Variants in PYGB observed in about 807,000 individuals in gnomAD.
The protein encoded by PYGB is glycogen phosphorylase B.
PYGB carries 82 observed loss-of-function variants against 94.3 expected under a neutral mutation model. The ratio of observed to expected loss-of-function variants is 0.87; its 90% CI spans 0.73 to 1.04. The LOEUF is 1.04. Ranked by LOEUF, PYGB falls within the 50% of genes least tolerant of loss-of-function variation. PYGB has a pLI of 0.00. For synonymous variants in PYGB, 488 were observed against 479.1 expected (o/e 1.02, Z -0.24); for missense variants, 1,132 against 1,158.2 (o/e 0.98, Z 0.33).
At chr20:25,294,025 C>T in intron 17 of PYGB, 133 bp from the exon 18 acceptor site, 1 of 1,260,786 alleles carries the variant, frequency 7.9e-7, no homozygotes, top group Middle Eastern at 2.6e-4. Flanking sequence ...CTGGCTGCTG[C>T]CCTGGACCGT....
intron 2 of PYGB, among the ~76,000 whole-genome samples, chr20:25,268,221 A>G (rs1246774037): frequency 1.6e-5 from 2 of 124,378 alleles, no homozygotes; most frequent in Non-Finnish European, 3.1e-5. Context: ...TGCTTTACGA[A>G]TTAAGTTCAA....
intron 14 of PYGB, 66 bp downstream of exon 14, chr20:25,284,317 G>A: frequency 1.3e-6 from 2 of 1,570,114 alleles, no homozygotes; most frequent in South Asian, 1.2e-5. Flanking sequence ...CCCGCCAGCT[G>A]TGCACAGACC....
At chr20:25,295,196 TAG>T (rs2088521268) in intron 18 of PYGB, among the ~76,000 whole-genome samples, 1 of 152,236 alleles carries the variant, frequency 6.6e-6, no homozygotes. Context: ...AAATCCCAGT[TAG>T]ACTTAAGACG....
At chr20:25,288,578 A>T in intron 15 of PYGB, 95 bp downstream of exon 15, 1 of 1,431,446 alleles carries the variant, frequency 7.0e-7, no homozygotes, top group Non-Finnish European at 9.7e-7. Flanking sequence ...CCACATCCAT[A>T]CTCGGGAACC....
intron 1 of PYGB, among the ~76,000 whole-genome samples, chr20:25,250,367 G>A (rs1310109973): frequency 6.6e-6 from 1 of 152,164 alleles, no homozygotes; most frequent in Non-Finnish European, 1.5e-5. Flanking sequence ...AACAAAACAG[G>A]TTTTTTGATC....
intron 8 of PYGB, 59 bp from the exon 9 acceptor site, chr20:25,278,998 A>C: frequency 6.6e-7 from 1 of 1,523,404 alleles, no homozygotes; most frequent in Admixed American, 1.8e-5. Context: ...GTATGCCAAC[A>C]ACCGTGGGTG....
At chr20:25,286,156 ACTCCGGGTGCT>A (rs2088416500) in intron 14 of PYGB, among the ~76,000 whole-genome samples, 1 of 151,548 alleles carries the variant, frequency 6.6e-6, no homozygotes, top group Non-Finnish European at 1.5e-5. Context: ...TTTCGCCAAT[ACTCCGGGTGCT>A]TGTTGAACGT....
intron 1 of PYGB, among the ~76,000 whole-genome samples, chr20:25,255,785 G>A (rs2092901130): frequency 6.6e-6 from 1 of 151,684 alleles, no homozygotes; most frequent in South Asian, 2.1e-4. Flanking sequence ...CCAGGCTGGA[G>A]TGCAGTGGCG....
At chr20:25,290,098 C>T (rs2474776) in intron 15 of PYGB, among the ~76,000 whole-genome samples, 3,991 of 152,280 alleles carry the variant, frequency 0.026, 159 homozygotes, top group African/African-American at 0.087. Context: ...GTTGTCTGTC[C>T]GCCGTAGCCT....
chr20:25,276,604 G>A (rs774464736), intron 5 of PYGB, 42 bp from the exon 6 acceptor site: 5 of 1,554,562 alleles, frequency 3.2e-6, no homozygotes, highest in South Asian at 1.1e-5. Context: ...GGCCGGCGGG[G>A]GCCCTTGCCA....
rs746367822 is a variant in PYGB, at chr20:25,294,292, G to C, written c.2312G>C (p.Arg771Thr). 5 of 1,598,380 alleles carry C rather than the reference G, an allele frequency of 3.1e-6. No individual in the cohort carries two copies. The highest frequency in any genetic ancestry group is 4.3e-6 in the Non-Finnish European group (5 of 1,167,344). Residue 771 changes from arginine (R) to threonine (T), a missense_variant and splice_region_variant, in exon 18 of 20, where the codon AGG becomes ACG. Arg to Thr is a moderately conservative substitution (Grantham distance 71). Transcript: ENST00000216962. ...GTGAACATGCTGATGCACCATGACA[G>C]GTGGGACCGACTTCCCTGGTTGGGT... ...DIVNMLMHHD[R>T]FKVFADYEAY...
chr20:25,290,703 C>A, intron 16 of PYGB, 81 bp downstream of exon 16: 1 of 1,548,242 alleles, frequency 6.5e-7, no homozygotes, highest in Non-Finnish European at 8.9e-7. Context: ...GCCTTTCATC[C>A]TCAGCCAGTT....
intron 5 of PYGB, among the ~76,000 whole-genome samples, chr20:25,275,983 C>T (rs1426337279): frequency 2.0e-5 from 3 of 152,214 alleles, no homozygotes; most frequent in Non-Finnish European, 2.9e-5. Flanking sequence ...GTGCGCCTGC[C>T]GGGGAGCTGG....
intron 17 of PYGB, chr20:25,293,889 T>C (rs2088499002): frequency 4.0e-6 from 2 of 501,128 alleles, no homozygotes; most frequent in South Asian, 2.0e-5. Flanking sequence ...CACTATGTCC[T>C]AGCAGATCTG....
intron 1 of PYGB, among the ~76,000 whole-genome samples, chr20:25,253,783 G>A (rs1342219183): frequency 2.6e-5 from 4 of 152,080 alleles, no homozygotes; most frequent in African/African-American, 9.7e-5. Context: ...CGCTTCATCC[G>A]GATTCCCCAG....
At chr20:25,295,499 G>A in intron 18 of PYGB, 105 bp from the exon 19 acceptor site, 1 of 1,335,916 alleles carries the variant, frequency 7.5e-7, no homozygotes, top group Non-Finnish European at 1.1e-6. Flanking sequence ...CTCCAGACAG[G>A]ACCAGGTGGA....
intron 2 of PYGB, among the ~76,000 whole-genome samples, chr20:25,265,568 G>A (rs6050501): frequency 2.7e-4 from 41 of 151,298 alleles, no homozygotes; most frequent in African/African-American, 1.0e-3. Flanking sequence ...TTTTAAATCA[G>A]GTTGTTTGTT....
chr20:25,284,855 A>G (rs1213545885), intron 14 of PYGB: 2 of 152,304 alleles, frequency 1.3e-5, no homozygotes, highest in African/African-American at 4.8e-5. Flanking sequence ...TTACACATGC[A>G]TCTTATATGT....
intron 2 of PYGB, 52 bp from the exon 3 acceptor site, chr20:25,269,077 C>A: frequency 6.9e-7 from 1 of 1,448,412 alleles, no homozygotes. Flanking sequence ...GCCTGTCATT[C>A]AAGGGAAAAT....
Sources: allele counts gnomAD v4.1 joint callset (sites outside exome capture counted in the v4.1 genomes callset), GRCh38; gene constraint gnomAD v4.1.1; transcripts MANE v1.5; gene names NCBI Gene and HGNC (gene_info 2026-07-23, HGNC 2026-07-21).